PACS2: variants seen among roughly 807,000 people sequenced by gnomAD.
PACS2 encodes phosphofurin acidic cluster sorting protein 2.
PACS2 carries 36 observed loss-of-function variants against 113.0 expected under a neutral mutation model. The observed-to-expected ratio is 0.32, with a 90% CI of 0.24 to 0.42. The LOEUF is 0.42. Ranked by LOEUF, PACS2 falls within the 10% of genes least tolerant of loss-of-function variation. The probability of loss-of-function intolerance (pLI) is 1.00; values close to 1 mark genes in which losing one functional copy is unlikely to be tolerated. For synonymous variants in PACS2, 589 were observed against 536.1 expected (o/e 1.10, Z -1.36); for missense variants, 1,015 against 1,239.5 (o/e 0.82, Z 2.72).
chr14:105,319,040 C>T (rs1175060417), intron 1 of PACS2, among the ~76,000 whole-genome samples: 4 of 150,286 alleles, frequency 2.7e-5, no homozygotes, highest in East Asian at 2.0e-4. Flanking sequence ...CTCCACTTCC[C>T]GGGTTCAAGC....
rs868924995 is a variant in PACS2 at position 105,364,285 on chromosome 14, G to A, written c.424-2928G>A. On this transcript the variant is annotated intron_variant, in intron 4 of 24. Coordinates refer to ENST00000447393, the MANE Select transcript of PACS2 (RefSeq NM_001100913.3). ...GCTGCAGCCCGGGTGCGCGGTGGGC[G>A]GCGGCCTGCGGGTGTGGTGGGCGTC... Among the ~76,000 whole-genome samples, 111 of 151,524 alleles carry A rather than the reference G, an allele frequency of 7.3e-4. 1 individual carries two copies. The Middle Eastern group carries it at 0.031, about 42-fold the overall frequency.
intron 9 of PACS2, among the ~76,000 whole-genome samples, chr14:105,378,244 T>C (rs1555410959): frequency 6.6e-6 from 1 of 152,224 alleles, no homozygotes; most frequent in East Asian, 1.9e-4. Flanking sequence ...GTTGGCTGTA[T>C]CTGCAGAGCC....
At chr14:105,352,185 G>A (rs782238624) in intron 2 of PACS2, among the ~76,000 whole-genome samples, 193 bp from the exon 3 acceptor site, 7 of 152,086 alleles carry the variant, frequency 4.6e-5, no homozygotes, top group Non-Finnish European at 1.0e-4. Flanking sequence ...TGGGCCGAAG[G>A]GTCTCCATGT....
rs2061031453 is a variant in PACS2 at position 105,368,539 on chromosome 14, G to A, written c.741G>A (p.Arg247=). Residue 247 remains arginine (R), a splice_region_variant and synonymous_variant, in exon 7 of 25, where the codon AGG becomes AGA. Transcript: ENST00000447393. ...TTGTAAGAACGACGTCCATGACCAG[G>A]GTTGGTGGAGACTGCTTCTATGAAT... ...RSIVRTTSMT[R]QQNFKQKVVA... 1 of 1,612,164 alleles carries A rather than the reference G, an allele frequency of 6.2e-7. No individual in the cohort carries two copies. Among genetic ancestry groups the A allele is most frequent in the Non-Finnish European group, 8.5e-7 (1 of 1,178,308 alleles).
chr14:105,324,493 G>C lies in PACS2; in HGVS notation c.119+9456G>C, dbSNP rs766677994. Among the ~76,000 whole-genome samples the C allele has an allele frequency of 6.6e-6, 1 of 152,226 alleles. No homozygotes were observed. Among genetic ancestry groups the C allele is most frequent in the Admixed American group, 6.5e-5 (1 of 15,288 alleles). On this transcript the variant is annotated intron_variant, in intron 1 of 24. Coordinates refer to ENST00000447393, the MANE Select transcript of PACS2 (RefSeq NM_001100913.3). This position sits in a 1 kb window ranked among gnomAD's most constrained non-coding sequence, Gnocchi z 4.7. ...GGCCTGTGAGCTGCTGGCCCCGCAG[G>C]GTGGCTGGGCCTGGCTGGCTCAGCA...
intron 8 of PACS2, chr14:105,374,612 G>C (rs781967785): frequency 5.9e-5 from 9 of 152,198 alleles, no homozygotes; most frequent in African/African-American, 1.9e-4. Context: ...AAGCCGCCTC[G>C]TGGCCACGGC....
At chr14:105,368,413 A>C in intron 6 of PACS2, 46 bp from the exon 7 acceptor site, 3 of 1,448,056 alleles carry the variant, frequency 2.1e-6, no homozygotes, top group South Asian at 1.1e-5. Context: ...TCCTGCCAGC[A>C]CTATGCAGGC....
Position 105,384,923 on chromosome 14 carries a change from G to A in PACS2, c.1936G>A (p.Ala646Thr), listed in dbSNP as rs369928489. The A allele has an allele frequency of 1.2e-5, 19 of 1,601,868 alleles. No homozygotes were observed. Among genetic ancestry groups the A allele is most frequent in the South Asian group, 3.4e-5 (3 of 89,044 alleles). ...DIVSRITQYI[A>T]GANCAHQLPI... ...TGTGTCACGCATCACGCAGTACATC[G>A]CAGGGGCCAACTGTGCCCACCAGCT... is the stretch of plus-strand genomic sequence containing the variant. The change falls in exon 18 of 25, where the codon GCA (alanine) becomes ACA (threonine). Residue 646 changes from alanine (A) to threonine (T), a missense_variant. Physicochemically the swap from Ala to Thr is moderately conservative, Grantham distance 58. Around this residue, in one of 3 missense-constraint regions of PACS2, gnomAD observed 859 missense variants for 1,056.8 expected, o/e 0.81. Transcript: ENST00000447393.
Position 105,355,180 on chromosome 14 carries a change from G to A in PACS2, c.423+3G>A, listed in dbSNP as rs1555405118. The A allele has an allele frequency of 6.2e-7, 1 of 1,612,834 alleles. No homozygotes were observed. Among genetic ancestry groups the A allele is most frequent in the Non-Finnish European group, 8.5e-7 (1 of 1,179,764 alleles). ...CGGGCTCCATCAGCATGGCTGAGGT[G>A]AGTGCTCCGTCTGGCGTGGCCTGCG... On this transcript the variant is annotated splice_donor_region_variant and intron_variant, in intron 4 of 24. Transcript: ENST00000447393. This position sits in a 1 kb window ranked among gnomAD's most constrained non-coding sequence, Gnocchi z 4.1.
chr14:105,352,957 G>A (rs2060265415), intron 3 of PACS2, among the ~76,000 whole-genome samples: 1 of 137,414 alleles, frequency 7.3e-6, no homozygotes, highest in Non-Finnish European at 1.6e-5. Flanking sequence ...TGTCCCCTGG[G>A]GAGACGGGCA....
intron 1 of PACS2, among the ~76,000 whole-genome samples, chr14:105,341,177 C>T (rs1337745375): frequency 5.3e-5 from 8 of 152,226 alleles, no homozygotes; most frequent in South Asian, 2.1e-4. Context: ...AACATGTGCT[C>T]ATTCTTGTTG....
intron 1 of PACS2, among the ~76,000 whole-genome samples, chr14:105,337,581 T>C (rs117261070): frequency 0.017 from 2,536 of 152,322 alleles, 35 homozygotes; most frequent in Non-Finnish European, 0.026. Flanking sequence ...ACCTCCTGGG[T>C]TGGGGCTGGC....
rs991920538 is a variant in PACS2 at position 105,369,971 on chromosome 14, G to C, written c.801+71G>C. On this transcript the variant is annotated intron_variant, in intron 8 of 24. Transcript: ENST00000447393. ...GCACCTGGTCGGGAGGAGGCCTCTGGGGTCTGTCTCCGGGCCACCTCTGGT... is the reference window on the plus strand; with the variant it reads ...GCACCTGGTCGGGAGGAGGCCTCTGCGGTCTGTCTCCGGGCCACCTCTGGT... 4 of 1,345,372 alleles carry C rather than the reference G, an allele frequency of 3.0e-6. No individual in the cohort carries two copies. The African/African-American group carries it at 5.8e-5, about 19-fold the overall frequency. The allele number at this position is 1,345,372 out of a possible 1,614,324, so 83.3% of individuals were successfully genotyped here.
At chr14:105,391,908 G>A (rs1419866737) in intron 22 of PACS2, 142 bp downstream of exon 22, 21 of 834,528 alleles carry the variant, frequency 2.5e-5, no homozygotes, top group Admixed American at 9.6e-5. Context: ...TCTGCAGGAC[G>A]GCTGGGTCCT....
intron 1 of PACS2, among the ~76,000 whole-genome samples, chr14:105,347,086 A>G (rs1169712008): frequency 6.9e-6 from 1 of 144,460 alleles, no homozygotes; most frequent in Non-Finnish European, 1.5e-5. Flanking sequence ...CCTGCTGTCA[A>G]GTCAGGCGCG....
chr14:105,391,466 C>G, intron 21 of PACS2, 165 bp from the exon 22 acceptor site: 2 of 703,446 alleles, frequency 2.8e-6, no homozygotes, highest in African/African-American at 1.8e-5. Context: ...TTCCAAAAAC[C>G]GAGGAGAATC....
upstream of PACS2, among the ~76,000 whole-genome samples, chr14:105,312,008 C>T (rs587622691): frequency 1.1e-4 from 16 of 152,338 alleles, no homozygotes; most frequent in East Asian, 2.7e-3. Flanking sequence ...GGAGTAGGGG[C>T]GCTGTGGGCT....
intron 21 of PACS2, 119 bp from the exon 22 acceptor site, chr14:105,391,512 T>TGGCCCCCCCCC: frequency 6.5e-6 from 4 of 611,308 alleles, no homozygotes; most frequent in Non-Finnish European, 8.7e-6. Flanking sequence ...CACTGGGGAC[T>TGGCCCCCCCCC]CCCACCCTGC....
At position 105,358,778 on chromosome 14, in the gene PACS2, G is replaced by T. The variant is rs1439609126; in HGVS notation, c.423+3601G>T. On this transcript the variant is annotated intron_variant, in intron 4 of 24. Coordinates refer to ENST00000447393, the MANE Select transcript of PACS2 (RefSeq NM_001100913.3). The surrounding 1 kb of genome is among the most constrained non-coding windows in gnomAD (Gnocchi z 4.9). ...GCCCAAGGGGACCTGTGAGGGGCGG[G>T]CGGCTCATGGTGGGACACAGGAAGA... Among the ~76,000 whole-genome samples the T allele has an allele frequency of 1.3e-5, 2 of 152,202 alleles. No homozygotes were observed. The highest frequency in any genetic ancestry group is 2.4e-5 in the African/African-American group (1 of 41,452).
Sources: gnomAD v4.1 joint callset for allele counts (sites outside exome capture counted in the v4.1 genomes callset) on GRCh38, gnomAD v4.1.1 for gene constraint, gnomAD v4.1.1 regional missense constraint, Gnocchi (gnomAD v3.1) non-coding constraint, MANE v1.5 for transcripts, NCBI Gene and HGNC (gene_info 2026-07-23, HGNC 2026-07-21) for gene names.